BPGM: variants seen among roughly 807,000 people sequenced by gnomAD.
The protein encoded by BPGM is bisphosphoglycerate mutase.
A neutral mutation model predicts 21.6 loss-of-function variants in BPGM; 15 were observed. The ratio of observed to expected loss-of-function variants is 0.70; its 90% confidence interval spans 0.47 to 1.07. The LOEUF (loss-of-function observed/expected upper bound fraction) is 1.07, where lower values mean the gene tolerates loss of function less well. BPGM is among the 50% of genes least tolerant of loss of function. The pLI is 0.00. For synonymous variants in BPGM, 113 were observed against 116.2 expected (o/e 0.97, Z 0.18); for missense variants, 273 against 319.0 (o/e 0.86, Z 1.10).
chr7:134,648,710 C>CCA (rs1795509169), intron 1 of BPGM, among the ~76,000 whole-genome samples: 1 of 150,770 alleles, frequency 6.6e-6, no homozygotes, highest in African/African-American at 2.4e-5. Context: ...GACAGGGTCT[C>CCA]GCTCTGTTGC....
At chr7:134,672,768 T>C (rs1307260652) in intron 2 of BPGM, among the ~76,000 whole-genome samples, 1 of 152,150 alleles carries the variant, frequency 6.6e-6, no homozygotes, top group Non-Finnish European at 1.5e-5. Context: ...GATGCATTAT[T>C]CTGGCCTTAG....
At chr7:134,662,153 ATCTAGGCCTTAATC>A in intron 2 of BPGM, 45 bp downstream of exon 2, 1 of 1,611,734 alleles carries the variant, frequency 6.2e-7, no homozygotes, top group Non-Finnish European at 8.5e-7. Context: ...CAAGTGTGAT[ATCTAGGCCTTAATC>A]TAGAAATTAA....
intron 2 of BPGM, among the ~76,000 whole-genome samples, chr7:134,668,623 T>G (rs1184894388): frequency 6.6e-6 from 1 of 152,216 alleles, no homozygotes; most frequent in Non-Finnish European, 1.5e-5. Flanking sequence ...CTGAACTCAC[T>G]GGAAAGCTAT....
intron 2 of BPGM, among the ~76,000 whole-genome samples, chr7:134,670,318 G>C (rs563277822): frequency 6.6e-6 from 1 of 152,164 alleles, no homozygotes; most frequent in African/African-American, 2.4e-5. Flanking sequence ...CTGTGGGGAC[G>C]GGGACTGATG....
chr7:134,675,569 G>A (rs1795973431), intron 2 of BPGM, among the ~76,000 whole-genome samples: 1 of 151,808 alleles, frequency 6.6e-6, no homozygotes, highest in Non-Finnish European at 1.5e-5. Context: ...AAAATATGAG[G>A]GTTTATTTTG....
intron 2 of BPGM, among the ~76,000 whole-genome samples, chr7:134,673,165 C>G (rs1795932504): frequency 6.6e-6 from 1 of 151,842 alleles, no homozygotes; most frequent in Non-Finnish European, 1.5e-5. Context: ...CAGAGCGAGA[C>G]TCCATCTCAA....
In BPGM at chr7:134,670,781, A is replaced by C. The variant is rs547026642; in HGVS notation, c.602-8072A>C. Among the ~76,000 whole-genome samples, 6 of 152,308 alleles carry C rather than the reference A, an allele frequency of 3.9e-5. No homozygotes were observed. In the East Asian group the frequency reaches 1.2e-3, roughly 29 times the overall value. ...GGAATGAATGGGTGGCACCTTATTA[A>C]ATGAATGAGTTGACTGGAGTTGTTT... On this transcript the variant is annotated intron_variant, in intron 2 of 2. Coordinates refer to ENST00000344924, the MANE Select transcript of BPGM (RefSeq NM_001724.5).
intron 1 of BPGM, among the ~76,000 whole-genome samples, chr7:134,648,621 T>G (rs1795507448): frequency 1.3e-5 from 2 of 152,150 alleles, no homozygotes; most frequent in Non-Finnish European, 2.9e-5. Flanking sequence ...TTGGCTTTAG[T>G]CCTGAAACTG....
intron 1 of BPGM, among the ~76,000 whole-genome samples, chr7:134,657,200 C>T (rs920989022): frequency 6.6e-6 from 1 of 152,272 alleles, no homozygotes; most frequent in South Asian, 2.1e-4. Flanking sequence ...CTTGATTGGA[C>T]ACAACTGATC....
At chr7:134,673,977 A>G (rs1019510123) in intron 2 of BPGM, among the ~76,000 whole-genome samples, 10 of 150,072 alleles carry the variant, frequency 6.7e-5, no homozygotes, top group African/African-American at 2.0e-4. Context: ...CAATGGCACA[A>G]TCTCGGTTCA....
At chr7:134,676,462 C>T (rs898579958) in intron 2 of BPGM, among the ~76,000 whole-genome samples, 3 of 152,056 alleles carry the variant, frequency 2.0e-5, no homozygotes, top group African/African-American at 7.2e-5. Flanking sequence ...ATCCATTTTT[C>T]TCTCCAATTT....
rs1795735752 is a variant in BPGM, at chr7:134,661,704, C to T, written c.197C>T (p.Thr66Ile). 1.2e-6 allele frequency: 2 copies of T among 1,614,140 alleles called. No individual in the cohort carries two copies. Among genetic ancestry groups the T allele is most frequent in the African/African-American group, 1.3e-5 (1 of 75,038 alleles). The change falls in exon 2 of 3, where the codon ACA becomes ATA. Residue 66 changes from threonine to isoleucine, a missense_variant. Transcript: ENST00000344924. This position sits in a 1 kb window ranked among gnomAD's most constrained non-coding sequence, Gnocchi z 4.6. ...FTSVLNRSIH[T>I]AWLILEELGQ... Reference sequence around the variant, plus strand: ...TCTGTCCTTAATCGGTCCATTCACACAGCCTGGCTGATCCTGGAAGAGCTA... The same window carrying T: ...TCTGTCCTTAATCGGTCCATTCACATAGCCTGGCTGATCCTGGAAGAGCTA...
chr7:134,677,243 T>G (rs1448225921), intron 2 of BPGM, among the ~76,000 whole-genome samples: 1 of 151,948 alleles, frequency 6.6e-6, no homozygotes, highest in Non-Finnish European at 1.5e-5. Flanking sequence ...AGGAAGAGTG[T>G]GTGTTTCTTT....
chr7:134,654,730 T>G (rs1309335603), intron 1 of BPGM, among the ~76,000 whole-genome samples: 2 of 151,888 alleles, frequency 1.3e-5, no homozygotes, highest in Non-Finnish European at 2.9e-5. Context: ...TCTTAGTGGG[T>G]TTTTTTTCTT....
rs1325484184 is a variant in BPGM, at chr7:134,661,949, C to A, written c.442C>A (p.Pro148Thr). 6.2e-7 allele frequency: 1 copy of A among 1,614,106 alleles called. No homozygotes were observed. The highest frequency in any genetic ancestry group is 8.5e-7 in the Non-Finnish European group (1 of 1,180,016). Residue 148 changes from proline to threonine, a missense_variant, in exon 2 of 3, where the codon CCC (proline) becomes ACC (threonine). By Grantham distance (38) the Pro-to-Thr change is conservative. Transcript: ENST00000344924. The surrounding 1 kb of genome is among the most constrained non-coding windows in gnomAD (Gnocchi z 4.6). Reference protein sequence around the residue: ...NDRRYKVCDVPLDQLPRSESL... With the variant: ...NDRRYKVCDVTLDQLPRSESL... Reference sequence around the variant, plus strand: ...CCGGAGGTATAAAGTATGCGATGTGCCCTTGGATCAACTGCCACGGTCGGA... The same window carrying A: ...CCGGAGGTATAAAGTATGCGATGTGACCTTGGATCAACTGCCACGGTCGGA...
At chr7:134,658,730 G>A (rs1396115868) in intron 1 of BPGM, 1 of 152,130 alleles carries the variant, frequency 6.6e-6, no homozygotes, top group Non-Finnish European at 1.5e-5. Flanking sequence ...AGAGAGGAAA[G>A]TGACCTTTTG....
At chr7:134,673,077 G>A (rs1795930467) in intron 2 of BPGM, among the ~76,000 whole-genome samples, 2 of 152,248 alleles carry the variant, frequency 1.3e-5, no homozygotes, top group South Asian at 4.1e-4. Flanking sequence ...TGGAGGCTGA[G>A]GCAGGAGAAT....
At chr7:134,673,105 C>T (rs1244092992) in intron 2 of BPGM, among the ~76,000 whole-genome samples, 3 of 152,016 alleles carry the variant, frequency 2.0e-5, no homozygotes, top group African/African-American at 4.8e-5. Context: ...ACCCAGGAGG[C>T]GGAGCTTGCA....
chr7:134,677,259 C>CTTTG (rs1272256389), intron 2 of BPGM, among the ~76,000 whole-genome samples: 1 of 152,010 alleles, frequency 6.6e-6, no homozygotes, highest in African/African-American at 2.4e-5. Context: ...TCTTTTCTTT[C>CTTTG]TTTCTTTCTT....
Sources: gnomAD v4.1 joint callset for allele counts (sites outside exome capture counted in the v4.1 genomes callset) on GRCh38, gnomAD v4.1.1 for gene constraint, Gnocchi (gnomAD v3.1) non-coding constraint, MANE v1.5 for transcripts, NCBI Gene and HGNC (gene_info 2026-07-23, HGNC 2026-07-21) for gene names.